The following IMMP2L variants were observed in gnomAD, a reference collection of about 807,000 sequenced individuals.
IMMP2L encodes the protein mitochondrial inner membrane protease subunit 2.
IMMP2L carries 18 observed loss-of-function variants against 19.3 expected under a neutral mutation model. The ratio of observed to expected loss-of-function variants is 0.93; its 90% confidence interval spans 0.64 to 1.38. The LOEUF (loss-of-function observed/expected upper bound fraction) is 1.38, where lower values mean the gene tolerates loss of function less well. IMMP2L is among the 40% of genes most tolerant of loss of function. The probability of loss-of-function intolerance (pLI) is 0.00; values close to 1 mark genes in which losing one functional copy is unlikely to be tolerated. For missense variants in IMMP2L, 233 were observed against 218.2 expected, an observed-to-expected ratio of 1.07 and a Z score of -0.43; for synonymous variants, 76 against 73.0, an observed-to-expected ratio of 1.04 and a Z score of -0.21.
At chr7:111,193,676 G>A (rs1809151745) in intron 3 of IMMP2L, among the ~76,000 whole-genome samples, 1 of 152,084 alleles carries the variant, frequency 6.6e-6, no homozygotes, top group Non-Finnish European at 1.5e-5. Flanking sequence ...CAATCAGAAA[G>A]AGCCTCTTCA....
chr7:111,155,965 A>G (rs1289785357), intron 3 of IMMP2L, among the ~76,000 whole-genome samples: 1 of 152,014 alleles, frequency 6.6e-6, no homozygotes, highest in Non-Finnish European at 1.5e-5. Flanking sequence ...TATATAATAC[A>G]TACTATTTTG....
At chr7:111,283,992 A>AAG (rs1563009237) in intron 3 of IMMP2L, among the ~76,000 whole-genome samples, 2 of 150,846 alleles carry the variant, frequency 1.3e-5, no homozygotes, top group African/African-American at 4.9e-5. Flanking sequence ...AAAAAAAAAA[A>AAG]AGAGACATGA....
intron 5 of IMMP2L, among the ~76,000 whole-genome samples, chr7:110,868,992 G>A (rs1808283083): frequency 6.6e-6 from 1 of 151,824 alleles, no homozygotes; most frequent in South Asian, 2.1e-4. Flanking sequence ...GAAGCTTTAA[G>A]TTTTTCTAAC....
chr7:110,950,841 C>CATAT (rs34797718), intron 4 of IMMP2L, among the ~76,000 whole-genome samples: 11,978 of 99,804 alleles, frequency 0.12, 696 homozygotes, highest in Middle Eastern at 0.14. Flanking sequence ...CAAAATGTGG[C>CATAT]ATATATATAT....
chr7:110,801,350 C>T (rs1409578351), intron 5 of IMMP2L, among the ~76,000 whole-genome samples: 1 of 151,976 alleles, frequency 6.6e-6, no homozygotes. Flanking sequence ...TTGAACTTCC[C>T]ATAATAAAAA....
chr7:111,486,770 C>G (rs1044446628), intron 3 of IMMP2L, among the ~76,000 whole-genome samples: 3 of 152,106 alleles, frequency 2.0e-5, no homozygotes, highest in African/African-American at 7.2e-5. Flanking sequence ...TGGACCCAAA[C>G]AGAAGCATCC....
intron 5 of IMMP2L, among the ~76,000 whole-genome samples, chr7:110,740,402 C>G (rs9655813): frequency 1.4e-3 from 216 of 152,160 alleles, no homozygotes; most frequent in African/African-American, 5.0e-3. Flanking sequence ...ACTGATGCTA[C>G]AGAAATACAA....
chr7:111,124,641 G>A, intron 3 of IMMP2L: 1 of 1,613,910 alleles, frequency 6.2e-7, no homozygotes, highest in Non-Finnish European at 8.5e-7. Context: ...AGTATGAAAA[G>A]AATAATACCA....
rs1018986881 is a variant in IMMP2L, at chr7:110,924,676, A to G, written c.306-37981T>C. On this transcript the variant is annotated intron_variant, in intron 4 of 5. Transcript: ENST00000405709. The surrounding 1 kb of genome is among the most constrained non-coding windows in gnomAD (Gnocchi z 4.2). Reference sequence around the variant, plus strand: ...AGCTTCTTTTTAATACTTAAACACCAGTGCTGAGACTCAACAATTTAAATG... The same window carrying G: ...AGCTTCTTTTTAATACTTAAACACCGGTGCTGAGACTCAACAATTTAAATG... Among the ~76,000 whole-genome samples, 3 of 152,160 alleles carry G rather than the reference A, an allele frequency of 2.0e-5. No homozygotes were observed. Among genetic ancestry groups the G allele is most frequent in the African/African-American group, 7.2e-5 (3 of 41,442 alleles).
intron 4 of IMMP2L, among the ~76,000 whole-genome samples, chr7:110,950,833 A>C (rs940506769): frequency 8.1e-5 from 9 of 111,128 alleles, no homozygotes; most frequent in African/African-American, 1.9e-4. Flanking sequence ...TGGATACACA[A>C]AATGTGGCAT....
rs536053093 is a variant in IMMP2L, at chr7:110,947,089, C to T, written c.305+16411G>A. Among the ~76,000 whole-genome samples, 38 of 152,244 alleles carry T rather than the reference C, an allele frequency of 2.5e-4. No homozygotes were observed. The South Asian group carries it at 7.7e-3, about 31-fold the overall frequency. Reference sequence around the variant, plus strand: ...AAAGGAAATAAAAGGATAATAAATGCATAAAATATTCATTCTTTTAGCAAT... The same window carrying T: ...AAAGGAAATAAAAGGATAATAAATGTATAAAATATTCATTCTTTTAGCAAT... On this transcript the variant is annotated intron_variant, in intron 4 of 5. Coordinates refer to ENST00000405709, the MANE Select transcript of IMMP2L (RefSeq NM_032549.4).
chr7:110,752,106 T>C (rs900071376), intron 5 of IMMP2L, among the ~76,000 whole-genome samples: 8 of 152,050 alleles, frequency 5.3e-5, no homozygotes, highest in South Asian at 2.1e-4. Context: ...CTGCTTAATA[T>C]AGAATTTTAA....
At chr7:110,798,998 TG>T (rs1801059225) in intron 5 of IMMP2L, among the ~76,000 whole-genome samples, 1 of 152,004 alleles carries the variant, frequency 6.6e-6, no homozygotes, top group Non-Finnish European at 1.5e-5. Flanking sequence ...GGTAATACGC[TG>T]TAACTCAAAT....
At chr7:111,225,981 T>C (rs748285724) in intron 3 of IMMP2L, among the ~76,000 whole-genome samples, 2 of 152,076 alleles carry the variant, frequency 1.3e-5, no homozygotes, top group Non-Finnish European at 2.9e-5. Flanking sequence ...GATGGAAGTA[T>C]GAACATCTAC....
rs139007752 is a variant in IMMP2L at position 111,323,692 on chromosome 7, A to G, written c.239+163546T>C. ...TGCTTCTATAAAGACACATCCACGC[A>G]TATGTTTATTGCGGCACTATTCACA... On this transcript the variant is annotated intron_variant, in intron 3 of 5. Transcript: ENST00000405709. 8.5e-3 allele frequency among the ~76,000 whole-genome samples: 1,292 copies of G among 152,204 alleles called. 15 individuals are homozygous for G. The highest frequency in any genetic ancestry group is 0.017 in the Middle Eastern group (5 of 294).
chr7:111,319,523 T>C (rs961631087), intron 3 of IMMP2L, among the ~76,000 whole-genome samples: 1 of 152,062 alleles, frequency 6.6e-6, no homozygotes, highest in African/African-American at 2.4e-5. Context: ...CATAAGAGAA[T>C]AGTAATCAGT....
intron 3 of IMMP2L, among the ~76,000 whole-genome samples, chr7:111,359,050 C>T (rs1829002005): frequency 6.6e-6 from 1 of 152,014 alleles, no homozygotes; most frequent in Non-Finnish European, 1.5e-5. Context: ...GACTTCCTGA[C>T]AGTTAGATGT....
intron 3 of IMMP2L, among the ~76,000 whole-genome samples, chr7:111,284,827 T>C (rs1036011695): frequency 6.6e-6 from 1 of 152,090 alleles, no homozygotes; most frequent in Non-Finnish European, 1.5e-5. Context: ...ATCTTTATGG[T>C]GGACAAAAAG....
chr7:110,767,698 G>A (rs984371106), intron 5 of IMMP2L, among the ~76,000 whole-genome samples: 2 of 152,132 alleles, frequency 1.3e-5, no homozygotes, highest in Non-Finnish European at 2.9e-5. Flanking sequence ...TCAGCACTAA[G>A]CAGGGGAAGG....
Sources: gnomAD v4.1 joint callset for allele counts (sites outside exome capture counted in the v4.1 genomes callset) on GRCh38, gnomAD v4.1.1 for gene constraint, Gnocchi (gnomAD v3.1) non-coding constraint, MANE v1.5 for transcripts, NCBI Gene and HGNC (gene_info 2026-07-23, HGNC 2026-07-21) for gene names.